The following PRDM16 variants were observed in gnomAD, a reference collection of about 807,000 sequenced individuals.
PRDM16 encodes histone-lysine N-methyltransferase PRDM16.
Under a neutral mutation model 110.6 loss-of-function variants are expected in PRDM16, and 23 were observed. That is an observed-to-expected ratio of 0.21 (90% confidence interval 0.15 to 0.29). PRDM16 has a LOEUF of 0.29. Ranked by LOEUF, PRDM16 falls within the 10% of genes least tolerant of loss-of-function variation. The pLI is 1.00. For synonymous variants in PRDM16, 799 were observed against 781.8 expected, an observed-to-expected ratio of 1.02 and a Z score of -0.37; for missense variants, 1,615 against 1,794.3, an observed-to-expected ratio of 0.90 and a Z score of 1.81.
At chr1:3,181,995 AGTCACATGCTTACACACACT>A (rs2100789488) in intron 1 of PRDM16, among the ~76,000 whole-genome samples, 1 of 152,254 alleles carries the variant, frequency 6.6e-6, no homozygotes, top group East Asian at 1.9e-4. Context: ...TTACACATGC[AGTCACATGCTTACACACACT>A]GTCTTACACA....
chr1:3,173,728 C>T (rs1187850111), intron 1 of PRDM16, among the ~76,000 whole-genome samples: 4 of 152,232 alleles, frequency 2.6e-5, no homozygotes, highest in Admixed American at 6.5e-5. Context: ...GCTTCAGGGC[C>T]GGCCCCTGGT....
chr1:3,078,056 G>T (rs1325925315), intron 1 of PRDM16, among the ~76,000 whole-genome samples: 1 of 152,172 alleles, frequency 6.6e-6, no homozygotes, highest in Non-Finnish European at 1.5e-5. Flanking sequence ...TCTGTCCTGG[G>T]GTGGAAACAG....
intron 1 of PRDM16, among the ~76,000 whole-genome samples, chr1:3,071,046 C>A (rs549052040): frequency 6.6e-6 from 1 of 152,246 alleles, no homozygotes; most frequent in Non-Finnish European, 1.5e-5. Flanking sequence ...TGTTCGGGTT[C>A]GGTTCTGTGT....
rs1295044947 is a variant in PRDM16, at chr1:3,080,741, C to G, written c.37+11445C>G. Among the ~76,000 whole-genome samples, 2 of 152,164 alleles carry G rather than the reference C, an allele frequency of 1.3e-5. No homozygotes were observed. The highest frequency in any genetic ancestry group is 1.3e-4 in the Admixed American group (2 of 15,276). On this transcript the variant is annotated intron_variant, in intron 1 of 16. Transcript: ENST00000270722. The surrounding 1 kb of genome is among the most constrained non-coding windows in gnomAD (Gnocchi z 5.2). The stretch of plus-strand genomic sequence containing the variant: ...GGCAACTGCTCCTGGATTTCTGTTC[C>G]GAGGAACATGTTGGGCGGTTTCTTC...
chr1:3,136,917 A>C (rs1401470986), intron 1 of PRDM16, among the ~76,000 whole-genome samples: 1 of 152,192 alleles, frequency 6.6e-6, no homozygotes, highest in Non-Finnish European at 1.5e-5. Context: ...TTGGAGTTAT[A>C]AACAGTGGAC....
intron 1 of PRDM16, among the ~76,000 whole-genome samples, chr1:3,138,438 G>A (rs1460753058): frequency 6.6e-6 from 1 of 152,236 alleles, no homozygotes; most frequent in East Asian, 1.9e-4. Context: ...CTGTGCCCCC[G>A]GAGCCGGCGT....
intron 2 of PRDM16, among the ~76,000 whole-genome samples, chr1:3,234,789 C>G (rs1167469808): frequency 6.6e-6 from 1 of 152,232 alleles, no homozygotes; most frequent in East Asian, 1.9e-4. Flanking sequence ...TCGGTAAATG[C>G]CACGTGGGGT....
chr1:3,349,171 C>T (rs923275868), intron 3 of PRDM16, among the ~76,000 whole-genome samples: 7 of 152,224 alleles, frequency 4.6e-5, no homozygotes, highest in Non-Finnish European at 7.3e-5. Context: ...GCCCCACCTC[C>T]GTCCGCATAG....
At chr1:3,215,916 G>A (rs989957284) in intron 2 of PRDM16, among the ~76,000 whole-genome samples, 1 of 152,156 alleles carries the variant, frequency 6.6e-6, no homozygotes, top group Non-Finnish European at 1.5e-5. Flanking sequence ...CAAGAAAACA[G>A]CCTATGCAGC....
rs772054022 is a variant in PRDM16, at chr1:3,412,499, A to G, written c.2302A>G (p.Ser768Gly). 3 of 1,613,282 alleles carry G rather than the reference A, an allele frequency of 1.9e-6. No individual in the cohort carries two copies. The highest frequency in any genetic ancestry group is 2.5e-6 in the Non-Finnish European group (3 of 1,179,992). Reference sequence around the variant, plus strand: ...GGACGCCCTCAAGGTGGGCGGCCCCAGTGCCGAGTGCCCCTTTGATCTCAC... The same window carrying G: ...GGACGCCCTCAAGGTGGGCGGCCCCGGTGCCGAGTGCCCCTTTGATCTCAC... ...PRDALKVGGP[S>G]AECPFDLTTK... The change falls in exon 9 of 17, where the codon AGT becomes GGT. Residue 768 changes from serine (S) to glycine (G), a missense_variant. By Grantham distance (56) the Ser-to-Gly change is moderately conservative (BLOSUM62 0). Around this residue, in one of 5 missense-constraint regions of PRDM16, gnomAD observed 772 missense variants for 748.3 expected, o/e 1.03. Coordinates refer to ENST00000270722, the MANE Select transcript of PRDM16 (RefSeq NM_022114.4).
intron 4 of PRDM16, among the ~76,000 whole-genome samples, chr1:3,391,652 T>C (rs1471595612): frequency 1.3e-5 from 2 of 152,218 alleles, no homozygotes; most frequent in Non-Finnish European, 2.9e-5. Flanking sequence ...TTAGGCTTAA[T>C]AAAAATGCTT....
At chr1:3,379,151 CCCCTCCCAGCACA>C in intron 3 of PRDM16, among the ~76,000 whole-genome samples, 1 of 118,862 alleles carries the variant, frequency 8.4e-6, no homozygotes, top group African/African-American at 3.2e-5. Flanking sequence ...TCCCAGCACA[CCCCTCCCAGCACA>C]CCCCTCCCAA....
intron 1 of PRDM16, among the ~76,000 whole-genome samples, chr1:3,115,946 A>G (rs1370017531): frequency 6.6e-6 from 1 of 152,050 alleles, no homozygotes; most frequent in Non-Finnish European, 1.5e-5. Flanking sequence ...GGGGGCTGCT[A>G]TCTAGGCTGT....
chr1:3,326,011 CCTCGACCATCCTTGGCCCTCCTTGGCCA>C (rs1466470742), intron 3 of PRDM16, among the ~76,000 whole-genome samples: 12 of 135,338 alleles, frequency 8.9e-5, no homozygotes, highest in African/African-American at 3.5e-4. Context: ...CCTTGGCCAT[CCTCGACCATCCTTGGCCCTCCTTGGCCA>C]TCCTCGGCCC....
intron 1 of PRDM16, among the ~76,000 whole-genome samples, chr1:3,077,024 G>A (rs552588331): frequency 6.6e-6 from 1 of 152,236 alleles, no homozygotes; most frequent in South Asian, 2.1e-4. Context: ...TCTGGCTCTG[G>A]GGCCAGTCCC....
chr1:3,317,099 C>A (rs976902856), intron 3 of PRDM16, among the ~76,000 whole-genome samples: 1 of 152,202 alleles, frequency 6.6e-6, no homozygotes, highest in Non-Finnish European at 1.5e-5. Context: ...CAATGACATA[C>A]GTAATGACAG....
chr1:3,395,291 C>G (rs1643368730), intron 4 of PRDM16, among the ~76,000 whole-genome samples: 1 of 152,144 alleles, frequency 6.6e-6, no homozygotes. Flanking sequence ...AGAGCCTGGC[C>G]TGACACAGGA....
chr1:3,181,348 GGTCTTACACA>G (rs1427128534), intron 1 of PRDM16, among the ~76,000 whole-genome samples: 1,971 of 19,778 alleles, frequency 0.1, 27 homozygotes, highest in Non-Finnish European at 0.19. Flanking sequence ...TCTTACACAC[GGTCTTACACA>G]CGGTCTTACA....
rs191477774 is a variant in PRDM16 at position 3,434,157 on chromosome 1, C to T, written c.*346C>T. On this transcript the variant is annotated 3_prime_UTR_variant, in exon 17 of 17. Transcript: ENST00000270722. ...AAGCTGGTGGCCACTGCCGGGTGCC[C>T]GCGTGGGGTCGCGGAAGGGAATGGA... 12 of 320,082 alleles carry T rather than the reference C, an allele frequency of 3.7e-5. No individual in the cohort carries two copies. Among genetic ancestry groups the T allele is most frequent in the Admixed American group, 1.9e-4 (4 of 21,416 alleles). 19.8% of individuals were successfully genotyped at this position (320,082 alleles called of 1,614,324 possible).
Sources: allele counts gnomAD v4.1 joint callset (sites outside exome capture counted in the v4.1 genomes callset), GRCh38; gene constraint gnomAD v4.1.1; regional missense constraint gnomAD v4.1.1; non-coding constraint Gnocchi (gnomAD v3.1); transcripts MANE v1.5; gene names NCBI Gene and HGNC (gene_info 2026-07-23, HGNC 2026-07-21).